Variants in DCAF8 observed in about 807,000 individuals in gnomAD.
DCAF8 encodes the protein DDB1 and CUL4 associated factor 8.
In DCAF8, 20 loss-of-function variants were observed where a neutral mutation model predicts 68.0. The ratio of observed to expected loss-of-function variants is 0.29; its 90% confidence interval spans 0.21 to 0.43. The LOEUF (loss-of-function observed/expected upper bound fraction) is 0.43, where lower values mean the gene tolerates loss of function less well. Ranked by LOEUF, DCAF8 falls within the 20% of genes least tolerant of loss-of-function variation. DCAF8 has a pLI of 1.00. For synonymous variants in DCAF8, 230 were observed against 276.9 expected (o/e 0.83, Z 1.68); for missense variants, 460 against 771.0 (o/e 0.60, Z 4.78).
intron 2 of DCAF8, among the ~76,000 whole-genome samples, chr1:160,251,771 A>G (rs1357615455): frequency 6.6e-6 from 1 of 152,192 alleles, no homozygotes; most frequent in African/African-American, 2.4e-5. Context: ...ACCTGGCCGT[A>G]TAGTGTTTAT....
chr1:160,256,262 G>A (rs1339559495), intron 2 of DCAF8, among the ~76,000 whole-genome samples: 1 of 151,936 alleles, frequency 6.6e-6, no homozygotes, highest in Non-Finnish European at 1.5e-5. Flanking sequence ...TACATCAGAA[G>A]TCTGTTGCCA....
rs1655167433 is a variant in DCAF8 at position 160,217,690 on chromosome 1, C to T, written c.1696G>A (p.Val566Ile). The change falls in exon 14 of 14, where the codon GTT becomes ATT. Residue 566 changes from valine to isoleucine, a missense_variant. This residue lies in a region of DCAF8 where 80 missense variants were observed against 115.1 expected (regional missense o/e 0.70). Coordinates refer to ENST00000368074, the MANE Select transcript of DCAF8 (RefSeq NM_015726.4). Reference sequence around the variant, plus strand: ...TCAGAGTCCGCGTCTGTGGCCCCAACCCCAGGTTCTCGCCAGCGCTGTGGA... The same window carrying T: ...TCAGAGTCCGCGTCTGTGGCCCCAATCCCAGGTTCTCGCCAGCGCTGTGGA... Reference protein sequence around the residue: ...RHHRRWREPGVGATDADSDES... With the variant: ...RHHRRWREPGIGATDADSDES... 1.9e-6 allele frequency: 3 copies of T among 1,613,940 alleles called. No individual in the cohort carries two copies. Among genetic ancestry groups the T allele is most frequent in the East Asian group, 2.2e-5 (1 of 44,892 alleles).
intron 2 of DCAF8, among the ~76,000 whole-genome samples, chr1:160,250,463 T>TG (rs1656537943): frequency 1.2e-4 from 3 of 24,616 alleles, no homozygotes; most frequent in Middle Eastern, 0.028. Context: ...CGAAACTGTC[T>TG]CAAAAAAAAA....
At chr1:160,248,159 T>C (rs908140202) in intron 2 of DCAF8, among the ~76,000 whole-genome samples, 4 of 151,716 alleles carry the variant, frequency 2.6e-5, no homozygotes, top group Non-Finnish European at 5.9e-5. Flanking sequence ...ATACAAAAAT[T>C]AGCCGGGCGT....
intron 2 of DCAF8, among the ~76,000 whole-genome samples, chr1:160,246,709 C>T (rs1482652080): frequency 6.6e-6 from 1 of 152,066 alleles, no homozygotes; most frequent in African/African-American, 2.4e-5. Context: ...CAGCCAGGCA[C>T]GGCAGCTCAC....
chr1:160,227,905 T>C (rs1012693463), intron 7 of DCAF8, among the ~76,000 whole-genome samples: 4 of 151,684 alleles, frequency 2.6e-5, no homozygotes, highest in Non-Finnish European at 5.9e-5. Flanking sequence ...CTTTTAGTTA[T>C]TTTTTTTGAG....
chr1:160,235,665 G>C (rs993705637), intron 6 of DCAF8, among the ~76,000 whole-genome samples: 1 of 151,306 alleles, frequency 6.6e-6, no homozygotes, highest in African/African-American at 2.4e-5. Context: ...GGAGAAAGGA[G>C]AAAGTGTATA....
chr1:160,226,001 G>A (rs914517768), intron 7 of DCAF8, among the ~76,000 whole-genome samples: 2 of 151,946 alleles, frequency 1.3e-5, no homozygotes, highest in Non-Finnish European at 2.9e-5. Context: ...ACACCACCAC[G>A]CCCGGCCAAT....
In DCAF8 at chr1:160,246,439, G is replaced by A. The variant is rs1042240094; in HGVS notation, c.-26-2405C>T. ...ATTAAATGTCAAAATTTCTGCAGAA[G>A]GATACTCTAGAGCAGTGGTCTCCAA... On this transcript the variant is annotated intron_variant, in intron 2 of 13. Coordinates refer to ENST00000368074, the MANE Select transcript of DCAF8 (RefSeq NM_015726.4). 4.6e-5 allele frequency among the ~76,000 whole-genome samples: 7 copies of A among 152,196 alleles called. No individual in the cohort carries two copies. The East Asian group carries it at 1.2e-3, about 25-fold the overall frequency.
chr1:160,241,711 C>T (rs565787981), intron 3 of DCAF8, among the ~76,000 whole-genome samples: 21 of 152,224 alleles, frequency 1.4e-4, no homozygotes, highest in African/African-American at 4.8e-4. Context: ...ATTTTATCCG[C>T]CAGAAGTAAA....
chr1:160,257,559 G>A (rs895225474), intron 2 of DCAF8, among the ~76,000 whole-genome samples: 5 of 152,156 alleles, frequency 3.3e-5, no homozygotes, highest in African/African-American at 7.2e-5. Context: ...AACAGGGTGC[G>A]CTTCTATACA....
Position 160,262,439 on chromosome 1 carries a change from G to A in DCAF8, c.-101+10C>T, listed in dbSNP as rs563643576. On this transcript the variant is annotated intron_variant, in intron 1 of 13. Transcript: ENST00000368074. ...GTCCACTGCCACCACCAACGCCGCC[G>A]CCATCTTACACTGGCCAGCGGCCGC... 6.5e-5 allele frequency: 26 copies of A among 401,000 alleles called. No individual in the cohort carries two copies. The highest frequency in any genetic ancestry group is 6.3e-4 in the Middle Eastern group (1 of 1,598). 24.8% of individuals were successfully genotyped at this position (401,000 alleles called of 1,614,324 possible).
rs116934049 is a variant in DCAF8 at position 160,252,540 on chromosome 1, T to C, written c.-26-8506A>G. Among the ~76,000 whole-genome samples, 83 of 152,218 alleles carry C rather than the reference T, an allele frequency of 5.5e-4. 1 individual carries two copies. In the East Asian group the frequency reaches 0.016, roughly 29 times the overall value. On this transcript the variant is annotated intron_variant, in intron 2 of 13. Coordinates refer to ENST00000368074, the MANE Select transcript of DCAF8 (RefSeq NM_015726.4). Reference sequence around the variant, plus strand: ...GGCTAGATGGTAAGGTATAGTTGATTAGTTAAGAAGTATAATAAAAGCTTT... The same window carrying C: ...GGCTAGATGGTAAGGTATAGTTGATCAGTTAAGAAGTATAATAAAAGCTTT...
At chr1:160,258,192 C>G (rs949901739) in intron 2 of DCAF8, among the ~76,000 whole-genome samples, 9 of 151,890 alleles carry the variant, frequency 5.9e-5, no homozygotes, top group Admixed American at 6.6e-5. Flanking sequence ...ACAAAAAATA[C>G]AAAAATTAGC....
chr1:160,235,230 C>T lies in DCAF8; in HGVS notation c.959+1905G>A, dbSNP rs536676146. Among the ~76,000 whole-genome samples, 578 of 150,574 alleles carry T rather than the reference C, an allele frequency of 3.8e-3. 7 individuals carry two copies. Among genetic ancestry groups the T allele is most frequent in the African/African-American group, 0.014 (546 of 40,320 alleles). Reference sequence around the variant, plus strand: ...CTCACTGCAACCTCCACCTCCTGGGCTCAAGCGATTCTCCTGTCTCAGCCT... The same window carrying T: ...CTCACTGCAACCTCCACCTCCTGGGTTCAAGCGATTCTCCTGTCTCAGCCT... On this transcript the variant is annotated intron_variant, in intron 6 of 13. Coordinates refer to ENST00000368074, the MANE Select transcript of DCAF8 (RefSeq NM_015726.4).
intron 2 of DCAF8, among the ~76,000 whole-genome samples, chr1:160,244,778 C>T (rs185433079): frequency 0.014 from 2,124 of 152,148 alleles, 55 homozygotes; most frequent in African/African-American, 0.048. Context: ...CCACCATGCC[C>T]ACCTTTCTGT....
At chr1:160,258,305 C>T (rs1004541388) in intron 2 of DCAF8, among the ~76,000 whole-genome samples, 1 of 152,066 alleles carries the variant, frequency 6.6e-6, no homozygotes, top group Non-Finnish European at 1.5e-5. Context: ...CATGATAGTG[C>T]CACTGCACTC....
At chr1:160,221,396 A>G (rs1163603440) in intron 11 of DCAF8, among the ~76,000 whole-genome samples, 1 of 152,158 alleles carries the variant, frequency 6.6e-6, no homozygotes, top group African/African-American at 2.4e-5. Flanking sequence ...AGTGAGACAC[A>G]CCTTGAACTT....
At chr1:160,246,078 T>C (rs1047350954) in intron 2 of DCAF8, among the ~76,000 whole-genome samples, 3 of 151,654 alleles carry the variant, frequency 2.0e-5, no homozygotes. Context: ...GCGGAGGTTG[T>C]GGTGAGCCGA....
Sources: allele counts gnomAD v4.1 joint callset (sites outside exome capture counted in the v4.1 genomes callset), GRCh38; gene constraint gnomAD v4.1.1; regional missense constraint gnomAD v4.1.1; transcripts MANE v1.5; gene names NCBI Gene and HGNC (gene_info 2026-07-23, HGNC 2026-07-21).